TPMT: variants seen among roughly 807,000 people sequenced by gnomAD.
TPMT encodes the protein S-adenosyl-L-methionine:thiopurine S-methyltransferase.
In TPMT, 18 loss-of-function variants were observed where a neutral mutation model predicts 34.2. The ratio of observed to expected loss-of-function variants is 0.53; its 90% confidence interval spans 0.36 to 0.78. TPMT has a LOEUF of 0.78. Ranked by LOEUF, TPMT falls within the 30% of genes least tolerant of loss-of-function variation. TPMT has a pLI of 0.00. For missense variants in TPMT, 265 were observed against 288.1 expected (o/e 0.92, Z 0.58); for synonymous variants, 69 against 92.4 (o/e 0.75, Z 1.45).
rs545714121 is a variant in TPMT at position 18,143,920 on chromosome 6, CTT to C, written c.234-194_234-193del. Among the ~76,000 whole-genome samples, 252 of 152,068 alleles carry C rather than the reference CTT, an allele frequency of 1.7e-3. 2 individuals carry two copies. Among genetic ancestry groups the C allele is most frequent in the Non-Finnish European group, 2.5e-3 (169 of 67,980 alleles). On this transcript the variant is annotated intron_variant, in intron 3 of 8. Coordinates refer to ENST00000309983, the MANE Select transcript of TPMT (RefSeq NM_000367.5). The surrounding 1 kb of genome is among the most constrained non-coding windows in gnomAD (Gnocchi z 6.1). Reference sequence around the variant, plus strand: ...CCTTATAAAAATTCTGAAAAACTGACTTATATGAATTCAGGAAACAATAAAAA... The same window carrying C: ...CCTTATAAAAATTCTGAAAAACTGACATATGAATTCAGGAAACAATAAAAA...
chr6:18,141,978 G>A (rs1409001370), intron 4 of TPMT, among the ~76,000 whole-genome samples: 1 of 152,116 alleles, frequency 6.6e-6, no homozygotes, highest in Non-Finnish European at 1.5e-5. Context: ...TGCCAGCGAA[G>A]GGAAGAGTTC....
chr6:18,135,582 T>G lies in TPMT; in HGVS notation c.495-1693A>C, dbSNP rs1011930914. Among the ~76,000 whole-genome samples, 3 of 152,068 alleles carry G rather than the reference T, an allele frequency of 2.0e-5. No individual in the cohort carries two copies. The highest frequency in any genetic ancestry group is 7.2e-5 in the African/African-American group (3 of 41,414). Reference sequence around the variant, plus strand: ...AAGTACCAGCACATATATAAAATACTAACATAAGGCTGGGCACGGTGACTT... The same window carrying G: ...AAGTACCAGCACATATATAAAATACGAACATAAGGCTGGGCACGGTGACTT... On this transcript the variant is annotated intron_variant, in intron 6 of 8. Coordinates refer to ENST00000309983, the MANE Select transcript of TPMT (RefSeq NM_000367.5). The surrounding 1 kb of genome is among the most constrained non-coding windows in gnomAD (Gnocchi z 5.0).
rs1784252653 is a variant in TPMT at position 18,146,645 on chromosome 6, T to C, written c.233+1178A>G. On this transcript the variant is annotated intron_variant, in intron 3 of 8. Transcript: ENST00000309983. The surrounding 1 kb of genome is among the most constrained non-coding windows in gnomAD (Gnocchi z 6.2). ...TGGTGACATCACATGACAATCTGTT[T>C]ATAGAGTTAATTTTTTTTGAGGGTA... 6.6e-6 allele frequency among the ~76,000 whole-genome samples: 1 copy of C among 152,236 alleles called. No homozygotes were observed. The highest frequency in any genetic ancestry group is 1.5e-5 in the Non-Finnish European group (1 of 68,046).
chr6:18,151,476 A>G (rs1428534040), intron 1 of TPMT, among the ~76,000 whole-genome samples: 2 of 152,134 alleles, frequency 1.3e-5, no homozygotes, highest in South Asian at 2.1e-4. Context: ...TTAAGAAAAA[A>G]ACAAAAAAAA....
Position 18,149,195 on chromosome 6 carries a change from T to C in TPMT, c.-44-24A>G, listed in dbSNP as rs1401006898. The stretch of plus-strand genomic sequence containing the variant: ...GCCTACGTGGAAAATATTTGCAATG[T>C]TGTCATTTAAGGTCATTGGAATTCT... On this transcript the variant is annotated intron_variant, in intron 1 of 8. Coordinates refer to ENST00000309983, the MANE Select transcript of TPMT (RefSeq NM_000367.5). The surrounding 1 kb of genome is among the most constrained non-coding windows in gnomAD (Gnocchi z 5.0). 5 of 1,599,848 alleles carry C rather than the reference T, an allele frequency of 3.1e-6. No individual in the cohort carries two copies. The highest frequency in any genetic ancestry group is 1.3e-5 in the African/African-American group (1 of 74,698).
Position 18,150,167 on chromosome 6 carries a change from G to C in TPMT, c.-44-996C>G, listed in dbSNP as rs1582048920. Among the ~76,000 whole-genome samples the C allele has an allele frequency of 6.6e-6, 1 of 152,168 alleles. No individual in the cohort carries two copies. Among genetic ancestry groups the C allele is most frequent in the Non-Finnish European group, 1.5e-5 (1 of 68,036 alleles). On this transcript the variant is annotated intron_variant, in intron 1 of 8. Coordinates refer to ENST00000309983, the MANE Select transcript of TPMT (RefSeq NM_000367.5). The surrounding 1 kb of genome is among the most constrained non-coding windows in gnomAD (Gnocchi z 5.3). ...CACTTTGGGTTTGCTTAATTTGCTA[G>C]AGCAACTCACAAACCTCAGAGAAAT...
chr6:18,137,919 G>A (rs1784072230), intron 6 of TPMT, among the ~76,000 whole-genome samples: 1 of 152,174 alleles, frequency 6.6e-6, no homozygotes, highest in African/African-American at 2.4e-5. Context: ...CTGAGTAGCT[G>A]GGATTACAGG....
chr6:18,151,007 C>G (rs1431969944), intron 1 of TPMT, among the ~76,000 whole-genome samples: 1 of 152,174 alleles, frequency 6.6e-6, no homozygotes, highest in Non-Finnish European at 1.5e-5. Context: ...GGCCACTGAG[C>G]CTGGCCATCC....
Position 18,154,756 on chromosome 6 carries a change from G to C in TPMT, c.-45+277C>G, listed in dbSNP as rs2150725774. ...CCACTGCACGCTAGCATGGGCGACA[G>C]AGGGAGACCCTGTCTCTAAAAGAAA... On this transcript the variant is annotated intron_variant, in intron 1 of 8. Transcript: ENST00000309983. The surrounding 1 kb of genome is among the most constrained non-coding windows in gnomAD (Gnocchi z 4.2). Among the ~76,000 whole-genome samples the C allele has an allele frequency of 6.6e-6, 1 of 152,254 alleles. No homozygotes were observed. Among genetic ancestry groups the C allele is most frequent in the South Asian group, 2.1e-4 (1 of 4,832 alleles).
Position 18,143,543 on chromosome 6 carries a change from G to A in TPMT, c.366+53C>T, listed in dbSNP as rs1168091005. 2.5e-6 allele frequency: 4 copies of A among 1,609,778 alleles called. No homozygotes were observed. The highest frequency in any genetic ancestry group is 3.4e-6 in the Non-Finnish European group (4 of 1,178,782). On this transcript the variant is annotated intron_variant, in intron 4 of 8. Coordinates refer to ENST00000309983, the MANE Select transcript of TPMT (RefSeq NM_000367.5). The surrounding 1 kb of genome is among the most constrained non-coding windows in gnomAD (Gnocchi z 6.1). ...GGTATCCTCATAATACTCACACTGA[G>A]AAAAACTTTTGTGGGGATATGGATA...
In TPMT at chr6:18,135,014, C is replaced by G. The variant is rs1435932649; in HGVS notation, c.495-1125G>C. 2.6e-5 allele frequency among the ~76,000 whole-genome samples: 4 copies of G among 152,168 alleles called. No individual in the cohort carries two copies. Among genetic ancestry groups the G allele is most frequent in the African/African-American group, 4.8e-5 (2 of 41,450 alleles). ...GAAGTTGGGGAGGCAAGTGCAGACT[C>G]TATGAGATGCCCAGGCTCAAACCCC... On this transcript the variant is annotated intron_variant, in intron 6 of 8. Transcript: ENST00000309983. The surrounding 1 kb of genome is among the most constrained non-coding windows in gnomAD (Gnocchi z 5.0).
rs547435777 is a variant in TPMT, at chr6:18,142,594, A to C, written c.366+1002T>G. Among the ~76,000 whole-genome samples the C allele has an allele frequency of 8.6e-5, 13 of 151,532 alleles. No homozygotes were observed. In the East Asian group the frequency reaches 2.1e-3, roughly 25 times the overall value. On this transcript the variant is annotated intron_variant, in intron 4 of 8. Coordinates refer to ENST00000309983, the MANE Select transcript of TPMT (RefSeq NM_000367.5). ...TGCCAGATTCTCTCTGCTTGTTCCCACTTGGGTAGTGTTTGTTTATTTACA... is the reference window on the plus strand; with the variant it reads ...TGCCAGATTCTCTCTGCTTGTTCCCCCTTGGGTAGTGTTTGTTTATTTACA...
rs1582041476 is a variant in TPMT, at chr6:18,139,602, C to T, written c.419+63G>A. The stretch of plus-strand genomic sequence containing the variant: ...AGAGTGAGGAAGACACCTCCACTCC[C>T]ATGCCTGCACTGCCTGGCAAGCATT... On this transcript the variant is annotated intron_variant, in intron 5 of 8. Coordinates refer to ENST00000309983, the MANE Select transcript of TPMT (RefSeq NM_000367.5). The surrounding 1 kb of genome is among the most constrained non-coding windows in gnomAD (Gnocchi z 4.2). 4 of 1,338,652 alleles carry T rather than the reference C, an allele frequency of 3.0e-6. No homozygotes were observed. In the Middle Eastern group the frequency reaches 5.8e-4, roughly 193 times the overall value. 82.9% of individuals were successfully genotyped at this position (1,338,652 alleles called of 1,614,324 possible). A position where few individuals can be genotyped will look rare whatever the true frequency, so the allele number is the denominator to read the frequency against.
intron 6 of TPMT, among the ~76,000 whole-genome samples, chr6:18,137,695 GAC>G (rs10581039): frequency 0.77 from 117,668 of 152,004 alleles, 45,612 homozygotes; most frequent in East Asian, 0.8. Flanking sequence ...CTTTAGAGAT[GAC>G]AAGGTATTTC....
At position 18,148,514 on chromosome 6, in the gene TPMT, A is replaced by G. The variant is rs1028496383; in HGVS notation, c.140+474T>C. 1.3e-5 allele frequency among the ~76,000 whole-genome samples: 2 copies of G among 152,180 alleles called. No homozygotes were observed. The highest frequency in any genetic ancestry group is 1.3e-4 in the Admixed American group (2 of 15,268). On this transcript the variant is annotated intron_variant, in intron 2 of 8. Transcript: ENST00000309983. This position sits in a 1 kb window ranked among gnomAD's most constrained non-coding sequence, Gnocchi z 4.1. ...CCCATGATTTATTGCTGCTATGAAGACTACTACTACATTGCACAACATCCT... is the reference window on the plus strand; with the variant it reads ...CCCATGATTTATTGCTGCTATGAAGGCTACTACTACATTGCACAACATCCT...
rs1784405372 is a variant in TPMT at position 18,153,762 on chromosome 6, A to G, written c.-45+1271T>C. The stretch of plus-strand genomic sequence containing the variant: ...TTGCAGTTTTCTCATTTTCATTCAG[A>G]AACTCTGGAACCTAAATTCAAGGCT... On this transcript the variant is annotated intron_variant, in intron 1 of 8. Transcript: ENST00000309983. The surrounding 1 kb of genome is among the most constrained non-coding windows in gnomAD (Gnocchi z 4.2). 6.6e-6 allele frequency among the ~76,000 whole-genome samples: 1 copy of G among 152,228 alleles called. No homozygotes were observed. The highest frequency in any genetic ancestry group is 1.5e-5 in the Non-Finnish European group (1 of 68,036).
rs1182483471 is a variant in TPMT at position 18,143,732 on chromosome 6, C to A, written c.234-4G>T. ...ACTGTGTCCCCGGTCTGCAAACCTG[C>A]ATAAAATCATACATTTACACTTAAA... On this transcript the variant is annotated splice_region_variant and splice_polypyrimidine_tract_variant and intron_variant, in intron 3 of 8. Transcript: ENST00000309983. The surrounding 1 kb of genome is among the most constrained non-coding windows in gnomAD (Gnocchi z 6.1). The A allele has an allele frequency of 9.3e-6, 15 of 1,613,814 alleles. No homozygotes were observed. Among genetic ancestry groups the A allele is most frequent in the Non-Finnish European group, 1.3e-5 (15 of 1,179,978 alleles).
At chr6:18,137,080 A>G (rs1784055122) in intron 6 of TPMT, among the ~76,000 whole-genome samples, 1 of 152,046 alleles carries the variant, frequency 6.6e-6, no homozygotes, top group African/African-American at 2.4e-5. Context: ...TGATGAAACA[A>G]TTTTTAAAAA....
At position 18,153,843 on chromosome 6, in the gene TPMT, G is replaced by A. The variant is rs1003345625; in HGVS notation, c.-45+1190C>T. On this transcript the variant is annotated intron_variant, in intron 1 of 8. Coordinates refer to ENST00000309983, the MANE Select transcript of TPMT (RefSeq NM_000367.5). The surrounding 1 kb of genome is among the most constrained non-coding windows in gnomAD (Gnocchi z 4.2). ...GCATAATCTTTATCAGAGTTCCACAGCAGCCTGGAGTAGCACAACTCTATT... is the reference window on the plus strand; with the variant it reads ...GCATAATCTTTATCAGAGTTCCACAACAGCCTGGAGTAGCACAACTCTATT... Among the ~76,000 whole-genome samples, 2 of 152,224 alleles carry A rather than the reference G, an allele frequency of 1.3e-5. No homozygotes were observed. Among genetic ancestry groups the A allele is most frequent in the African/African-American group, 4.8e-5 (2 of 41,450 alleles).
Sources: allele counts gnomAD v4.1 joint callset (sites outside exome capture counted in the v4.1 genomes callset), GRCh38; gene constraint gnomAD v4.1.1; non-coding constraint Gnocchi (gnomAD v3.1); transcripts MANE v1.5; gene names NCBI Gene and HGNC (gene_info 2026-07-23, HGNC 2026-07-21).